The following CELF2 variants were observed in gnomAD, a reference collection of about 807,000 sequenced individuals.
The protein encoded by CELF2 is CUGBP Elav-like family member 2.
A neutral mutation model predicts 62.6 loss-of-function variants in CELF2; 8 were observed. That is an observed-to-expected ratio of 0.13 (90% CI 0.07 to 0.23). The LOEUF (loss-of-function observed/expected upper bound fraction) is 0.23, where lower values mean the gene tolerates loss of function less well. Among genes scored for constraint, CELF2 ranks in the 10% least tolerant of loss-of-function variants. The pLI is 1.00. For missense variants in CELF2, 333 were observed against 671.0 expected (o/e 0.50, Z 5.56); for synonymous variants, 258 against 250.0 (o/e 1.03, Z -0.30).
chr10:11,051,008 T>C (rs2063817670), intron 1 of CELF2, among the ~76,000 whole-genome samples: 1 of 152,212 alleles, frequency 6.6e-6, no homozygotes, highest in South Asian at 2.1e-4. Flanking sequence ...AAACCTCGCC[T>C]ATTTTCCAAG....
At chr10:10,652,122 G>A in the CELF2 span, among the ~76,000 whole-genome samples, 1 of 113,062 alleles carries the variant, frequency 8.8e-6, no homozygotes, top group Non-Finnish European at 1.9e-5. Context: ...AAGGGTATCA[G>A]CGATGGAAGA....
At chr10:11,054,100 A>G (rs2064597476) in intron 1 of CELF2, among the ~76,000 whole-genome samples, 1 of 152,234 alleles carries the variant, frequency 6.6e-6, no homozygotes, top group Admixed American at 6.5e-5. Context: ...AATTCAACTT[A>G]CAGCCTCAAG....
intron 1 of CELF2, among the ~76,000 whole-genome samples, chr10:11,108,473 G>C: frequency 6.6e-6 from 1 of 151,842 alleles, no homozygotes; most frequent in Non-Finnish European, 1.5e-5. Context: ...CATGTTATCT[G>C]TTCCTTCCCC....
At chr10:10,963,507 C>T (rs185879162) in intron 2 of CELF2, among the ~76,000 whole-genome samples, 6 of 152,284 alleles carry the variant, frequency 3.9e-5, no homozygotes, top group African/African-American at 1.2e-4. Flanking sequence ...AGTGCATGTA[C>T]AAACAATCCA....
At chr10:10,654,774 C>G in the CELF2 span, among the ~76,000 whole-genome samples, 2 of 146,892 alleles carry the variant, frequency 1.4e-5, no homozygotes, top group East Asian at 4.0e-4. Context: ...ACTGAATGGG[C>G]AAAAACTGGA....
Position 11,333,614 on chromosome 10 carries a change from TTTG to T in CELF2, c.*4564_*4566del, listed in dbSNP as rs1207521684. ...TGAATAATGTCATACAAAAAATGTA[TTTG>T]TTTTTTTGTGCTGTGAGAATTGATG... On this transcript the variant is annotated 3_prime_UTR_variant, in exon 13 of 13. Coordinates refer to ENST00000633077, the MANE Select transcript of CELF2 (RefSeq NM_001326342.2). The T allele has an allele frequency of 6.6e-6, 1 of 151,192 alleles. No individual in the cohort carries two copies. The highest frequency in any genetic ancestry group is 1.5e-5 in the Non-Finnish European group (1 of 67,960). The allele number at this position is 151,192 out of a possible 1,614,324, so 9.4% of individuals were successfully genotyped here.
intron 1 of CELF2, among the ~76,000 whole-genome samples, chr10:11,095,652 T>G (rs1388896459): frequency 6.6e-6 from 1 of 152,196 alleles, no homozygotes; most frequent in East Asian, 1.9e-4. Context: ...CCTGTTGCCT[T>G]TCAACTTGAA....
At chr10:10,503,131 G>T in the CELF2 span, among the ~76,000 whole-genome samples, 1 of 151,846 alleles carries the variant, frequency 6.6e-6, no homozygotes, top group Admixed American at 6.6e-5. Flanking sequence ...GTTAAAATTT[G>T]TTTTATCCAT....
chr10:10,751,069 G>T, the CELF2 span, among the ~76,000 whole-genome samples: 1 of 152,222 alleles, frequency 6.6e-6, no homozygotes, highest in African/African-American at 2.4e-5. Flanking sequence ...AATATTCCTT[G>T]CACTCTTTTT....
At chr10:10,516,571 G>C in the CELF2 span, among the ~76,000 whole-genome samples, 1 of 151,916 alleles carries the variant, frequency 6.6e-6, no homozygotes, top group African/African-American at 2.4e-5. Context: ...TTTTAGTTCT[G>C]TTTCTGCAAC....
chr10:10,813,800 C>T (rs1027397317), intron 1 of CELF2, among the ~76,000 whole-genome samples: 8 of 152,142 alleles, frequency 5.3e-5, no homozygotes, highest in African/African-American at 1.4e-4. Flanking sequence ...GGCCATGGGC[C>T]GTGGTTTGCT....
At chr10:10,853,644 A>G (rs954487401) in intron 1 of CELF2, among the ~76,000 whole-genome samples, 6 of 151,906 alleles carry the variant, frequency 3.9e-5, no homozygotes, top group South Asian at 2.1e-4. Context: ...CCAATAGAAA[A>G]AAAAAAGCCC....
At chr10:11,006,727 G>A (rs1465903623) in intron 1 of CELF2, among the ~76,000 whole-genome samples, 4 of 152,182 alleles carry the variant, frequency 2.6e-5, no homozygotes, top group African/African-American at 4.8e-5. Flanking sequence ...TCACAATTTC[G>A]GTCACAAACT....
chr10:10,935,647 G>GA (rs1237196221), intron 2 of CELF2, among the ~76,000 whole-genome samples: 2 of 152,110 alleles, frequency 1.3e-5, no homozygotes, highest in Admixed American at 6.5e-5. Context: ...CAATAATAAA[G>GA]AACAATCCTA....
intron 8 of CELF2, 137 bp from the exon 9 acceptor site, chr10:11,288,281 C>T: frequency 2.0e-6 from 2 of 1,022,878 alleles, no homozygotes; most frequent in South Asian, 1.6e-5. Flanking sequence ...GAGCCCAGCT[C>T]CCACCCAGGC....
At chr10:10,660,516 C>T in the CELF2 span, among the ~76,000 whole-genome samples, 3 of 152,296 alleles carry the variant, frequency 2.0e-5, no homozygotes, top group Admixed American at 6.5e-5. Flanking sequence ...TTTCTCCACC[C>T]GCTCCATTCA....
chr10:10,652,890 T>C, the CELF2 span, among the ~76,000 whole-genome samples: 69 of 150,714 alleles, frequency 4.6e-4, 1 homozygote, highest in Middle Eastern at 3.4e-3. Context: ...TTTAAATGGA[T>C]TAAATTCTCC....
chr10:11,325,959 C>T lies in CELF2; in HGVS notation c.1418C>T (p.Thr473Ile). ...GCTAAAGTCTTCATTGACAAACAGA[C>T]CAATCTGAGCAAGTGCTTTGGTATG... ...ISAKVFIDKQ[T>I]NLSKCFGFVS... The change falls in exon 12 of 13, where the codon ACC becomes ATC. Residue 473 changes from threonine (T) to isoleucine (I), a missense_variant. By Grantham distance (89) the Thr-to-Ile change is moderately conservative. Coordinates refer to ENST00000633077, the MANE Select transcript of CELF2 (RefSeq NM_001326342.2). 1 of 1,613,038 alleles carries T rather than the reference C, an allele frequency of 6.2e-7. No homozygotes were observed. The highest frequency in any genetic ancestry group is 8.5e-7 in the Non-Finnish European group (1 of 1,179,714).
the CELF2 span, among the ~76,000 whole-genome samples, chr10:10,756,214 C>T: frequency 6.6e-6 from 1 of 152,298 alleles, no homozygotes; most frequent in Middle Eastern, 3.4e-3. Flanking sequence ...TTTCCTTTGG[C>T]AGATGACTAT....
Sources: allele counts gnomAD v4.1 joint callset (sites outside exome capture counted in the v4.1 genomes callset), GRCh38; gene constraint gnomAD v4.1.1; transcripts MANE v1.5; gene names NCBI Gene and HGNC (gene_info 2026-07-23, HGNC 2026-07-21).